The following SP2 variants were observed in gnomAD, a reference collection of about 807,000 sequenced individuals.
SP2 encodes Sp2 transcription factor, also known as transcription factor Sp2.
In SP2, 9 loss-of-function variants were observed where a neutral mutation model predicts 50.1. That is an observed-to-expected ratio of 0.18 (90% CI 0.11 to 0.31). SP2 has a LOEUF of 0.31. Among genes scored for constraint, SP2 ranks in the 10% least tolerant of loss-of-function variants. The pLI, the probability that SP2 is intolerant of heterozygous loss-of-function variation, is 1.00. For missense variants in SP2, 581 were observed against 806.5 expected (o/e 0.72, Z 3.39); for synonymous variants, 313 against 326.6 (o/e 0.96, Z 0.45).
chr17:47,915,329 G>A lies in SP2; in HGVS notation c.25G>A (p.Ala9Thr). The A allele has an allele frequency of 3.1e-6, 5 of 1,612,102 alleles. No homozygotes were observed. Among genetic ancestry groups the A allele is most frequent in the Non-Finnish European group, 3.4e-6 (4 of 1,178,876 alleles). Residue 9 changes from alanine (A) to threonine (T), a missense_variant, in exon 2 of 7, where the codon GCT becomes ACT. Transcript: ENST00000376741. ...TCCAACAGATCCACAGACCAGCATG[G>A]CTGCCACTGCTGCTGTGAGTCCCAG... Reference protein sequence around the residue: MSDPQTSMAATAAVSPSDY... With the variant: MSDPQTSMTATAAVSPSDY...
intron 1 of SP2, among the ~76,000 whole-genome samples, chr17:47,915,073 G>A (rs1157264302): frequency 6.6e-6 from 1 of 151,950 alleles, no homozygotes; most frequent in Non-Finnish European, 1.5e-5. Flanking sequence ...AATTAGCTGG[G>A]CATGGTGGCA....
At chr17:47,907,078 G>A (rs2034793017) in intron 1 of SP2, among the ~76,000 whole-genome samples, 1 of 152,092 alleles carries the variant, frequency 6.6e-6, no homozygotes, top group African/African-American at 2.4e-5. Context: ...CTATTGGATT[G>A]AGCAGCAAGG....
intron 1 of SP2, among the ~76,000 whole-genome samples, chr17:47,912,391 G>A (rs1026127788): frequency 1.5e-4 from 22 of 151,488 alleles, no homozygotes; most frequent in Non-Finnish European, 2.5e-4. Context: ...AGGCACTGGT[G>A]TGCTTTCTTA....
intron 1 of SP2, among the ~76,000 whole-genome samples, chr17:47,909,187 T>C (rs991479614): frequency 9.2e-5 from 14 of 152,164 alleles, no homozygotes; most frequent in Admixed American, 8.5e-4. Context: ...AACCTGATGC[T>C]CCAGATGTGG....
At chr17:47,915,289 C>G (rs760572319) in intron 1 of SP2, 23 bp from the exon 2 acceptor site, 1 of 1,569,678 alleles carries the variant, frequency 6.4e-7, no homozygotes, top group East Asian at 2.3e-5. Context: ...TTATACATTA[C>G]TCCATCTCTT....
At chr17:47,904,485 G>A (rs1479887334) in intron 1 of SP2, among the ~76,000 whole-genome samples, 3 of 152,024 alleles carry the variant, frequency 2.0e-5, no homozygotes, top group African/African-American at 4.8e-5. Flanking sequence ...GATCTTAGCT[G>A]ATGAGGGAAA....
At chr17:47,911,212 C>G (rs1486210061) in intron 1 of SP2, among the ~76,000 whole-genome samples, 1 of 151,802 alleles carries the variant, frequency 6.6e-6, no homozygotes, top group Non-Finnish European at 1.5e-5. Flanking sequence ...GGTGATAGAG[C>G]AAGACCTTGT....
chr17:47,917,012 T>C lies in SP2; in HGVS notation c.941T>C (p.Val314Ala). 6.2e-7 allele frequency: 1 copy of C among 1,614,178 alleles called. No individual in the cohort carries two copies. Among genetic ancestry groups the C allele is most frequent in the African/African-American group, 1.3e-5 (1 of 75,058 alleles). ...CCCAAGGCCGAGCAGCAGCAGGTGG[T>C]ACAGATCCCCCAGCAGGCTCTGCGG... ...VPPKAEQQQV[V>A]QIPQQALRVV... Residue 314 changes from valine to alanine, a missense_variant, in exon 3 of 7, where the codon GTA (valine) becomes GCA (alanine). Val to Ala is a moderately conservative substitution (Grantham distance 64). This residue lies in a region of SP2 where 397 missense variants were observed against 491.0 expected (regional missense o/e 0.81). Transcript: ENST00000376741.
chr17:47,925,141 A>T (rs762715549), intron 5 of SP2, 48 bp downstream of exon 5: 2 of 1,553,704 alleles, frequency 1.3e-6, no homozygotes, highest in Non-Finnish European at 1.7e-6. Context: ...TGTGTTCCCC[A>T]AGCCCCTCCT....
rs2035414183 is a variant in SP2, at chr17:47,920,603, A to T, written c.1060-2359A>T. 2.0e-5 allele frequency among the ~76,000 whole-genome samples: 3 copies of T among 152,044 alleles called. No individual in the cohort carries two copies. The South Asian group carries it at 6.2e-4, about 32-fold the overall frequency. On this transcript the variant is annotated intron_variant, in intron 3 of 6. Coordinates refer to ENST00000376741, the MANE Select transcript of SP2 (RefSeq NM_003110.6). ...ACCCGGCCAATTTTTGTATTTTTTT[A>T]GTAGAGACGGGGTTTTACCATCTTG...
chr17:47,897,541 A>G (rs1427054821), intron 1 of SP2: 1 of 152,276 alleles, frequency 6.6e-6, no homozygotes, highest in Non-Finnish European at 1.5e-5. Flanking sequence ...TTCAAGGTGC[A>G]CTGGCATGCA....
downstream of SP2, among the ~76,000 whole-genome samples, chr17:47,931,518 A>G (rs1352842496): frequency 6.6e-6 from 1 of 152,076 alleles, no homozygotes; most frequent in African/African-American, 2.4e-5. Flanking sequence ...AGGAGCCCTG[A>G]GCGGATGGAT....
intron 1 of SP2, among the ~76,000 whole-genome samples, chr17:47,896,758 C>T (rs34194452): frequency 0.028 from 4,231 of 152,278 alleles, 197 homozygotes; most frequent in African/African-American, 0.095. Flanking sequence ...CGATTCAGGG[C>T]TCCCCGGAGA....
chr17:47,903,403 C>T (rs990140034), intron 1 of SP2, among the ~76,000 whole-genome samples: 4 of 152,110 alleles, frequency 2.6e-5, no homozygotes, highest in African/African-American at 7.2e-5. Flanking sequence ...CGGTGGCTCA[C>T]GCCTGTAATC....
intron 1 of SP2, chr17:47,899,252 A>T (rs2034450445): frequency 6.6e-6 from 1 of 152,208 alleles, no homozygotes; most frequent in Non-Finnish European, 1.5e-5. Context: ...GGCTAGCAGC[A>T]TTCTCTTAGG....
chr17:47,920,555 G>A (rs1303146234), intron 3 of SP2, among the ~76,000 whole-genome samples: 1 of 152,114 alleles, frequency 6.6e-6, no homozygotes, highest in East Asian at 1.9e-4. Context: ...CAAAGTGCTG[G>A]GATTACAGGC....
intron 6 of SP2, among the ~76,000 whole-genome samples, 191 bp from the exon 7 acceptor site, chr17:47,927,531 CAA>C (rs61309845): frequency 0.49 from 40,374 of 81,900 alleles, 5,995 homozygotes; most frequent in East Asian, 0.68. Context: ...GACTCCATCT[CAA>C]AAAAAAAAAA....
At chr17:47,917,173 ATC>A (rs760202188) in intron 3 of SP2, 43 bp downstream of exon 3, 2 of 1,537,260 alleles carry the variant, frequency 1.3e-6, no homozygotes, top group South Asian at 2.5e-5. Context: ...TCCTCTGGTT[ATC>A]TCTTTTTGGC....
chr17:47,927,007 G>A (rs2035676429), intron 6 of SP2, among the ~76,000 whole-genome samples: 1 of 152,188 alleles, frequency 6.6e-6, no homozygotes, highest in African/African-American at 2.4e-5. Context: ...GGGTCAACAT[G>A]GTTCCAACTG....
Sources: allele counts gnomAD v4.1 joint callset (sites outside exome capture counted in the v4.1 genomes callset), GRCh38; gene constraint gnomAD v4.1.1; regional missense constraint gnomAD v4.1.1; transcripts MANE v1.5; gene names NCBI Gene and HGNC (gene_info 2026-07-23, HGNC 2026-07-21).